The following WDR70 variants were observed in gnomAD, a reference collection of about 807,000 sequenced individuals.
WDR70 encodes WD repeat domain 70.
In WDR70, 53 loss-of-function variants were observed where a neutral mutation model predicts 88.6. That is an observed-to-expected ratio of 0.60 (90% CI 0.48 to 0.75). The LOEUF (loss-of-function observed/expected upper bound fraction) is 0.75. Among genes scored for constraint, WDR70 ranks in the 30% least tolerant of loss-of-function variants. The pLI is 0.00. For missense variants in WDR70, 610 were observed against 823.2 expected (o/e 0.74, Z 3.17); for synonymous variants, 280 against 270.0 (o/e 1.04, Z -0.36).
rs368218344 is a variant in WDR70, at chr5:37,391,960, C to G, written c.176-40C>G. On this transcript the variant is annotated intron_variant, in intron 3 of 17. Transcript: ENST00000265107. Reference sequence around the variant, plus strand: ...ATACTAACATATTTTGAATTGTAACCGTTGGGATTTTTTTGTTAATCTTTT... The same window carrying G: ...ATACTAACATATTTTGAATTGTAACGGTTGGGATTTTTTTGTTAATCTTTT... 3.0e-5 allele frequency: 47 copies of G among 1,575,610 alleles called. No homozygotes were observed. In the African/African-American group the frequency reaches 6.1e-4, roughly 20 times the overall value.
chr5:37,424,178 A>AC (rs1443356620), intron 5 of WDR70, among the ~76,000 whole-genome samples: 1 of 145,914 alleles, frequency 6.9e-6, no homozygotes, highest in Non-Finnish European at 1.5e-5. Context: ...AAAAACAAAG[A>AC]CAAAAAAAAA....
chr5:37,444,627 G>A (rs545708744), intron 7 of WDR70, among the ~76,000 whole-genome samples: 30 of 152,220 alleles, frequency 2.0e-4, no homozygotes, highest in East Asian at 3.9e-4. Context: ...ACAGGCATGA[G>A]CCACCGCGCC....
intron 5 of WDR70, among the ~76,000 whole-genome samples, chr5:37,418,990 C>T (rs1394648764): frequency 6.6e-6 from 1 of 152,116 alleles, no homozygotes; most frequent in Non-Finnish European, 1.5e-5. Context: ...TCTCCGACTT[C>T]TGGCCTCAAG....
chr5:37,733,548 C>T (rs1425789126), intron 17 of WDR70, among the ~76,000 whole-genome samples: 1 of 152,118 alleles, frequency 6.6e-6, no homozygotes, highest in Admixed American at 6.5e-5. Flanking sequence ...GAATTTTAAT[C>T]AATTTCTGGG....
chr5:37,741,806 T>C (rs1748490547), intron 17 of WDR70, among the ~76,000 whole-genome samples: 1 of 152,196 alleles, frequency 6.6e-6, no homozygotes, highest in Non-Finnish European at 1.5e-5. Context: ...ATTCTACTTT[T>C]TAACTCTATG....
intron 9 of WDR70, among the ~76,000 whole-genome samples, chr5:37,533,457 T>TCACCACCACCACCACCACCAC (rs35578229): frequency 7.1e-6 from 1 of 141,194 alleles, no homozygotes; most frequent in African/African-American, 2.7e-5. Flanking sequence ...AACAAAACAA[T>TCACCACCACCACCACCACCAC]CACCACCACC....
chr5:37,724,875 T>C, intron 15 of WDR70, 59 bp from the exon 16 acceptor site: 1 of 1,423,466 alleles, frequency 7.0e-7, no homozygotes, highest in Non-Finnish European at 9.9e-7. Flanking sequence ...GCTTTAACTA[T>C]GTTTTTGGAT....
At chr5:37,423,383 G>C (rs1750010036) in intron 5 of WDR70, among the ~76,000 whole-genome samples, 1 of 149,384 alleles carries the variant, frequency 6.7e-6, no homozygotes, top group African/African-American at 2.5e-5. Flanking sequence ...AAGAAGAAAA[G>C]GAAAAAACAA....
intron 8 of WDR70, chr5:37,506,454 G>A: frequency 1.3e-6 from 1 of 767,200 alleles, no homozygotes; most frequent in East Asian, 2.4e-5. Context: ...AATTAAGAAG[G>A]CTCCTCTATG....
At chr5:37,507,242 CT>C (rs1162419324) in intron 8 of WDR70, among the ~76,000 whole-genome samples, 1 of 151,784 alleles carries the variant, frequency 6.6e-6, no homozygotes, top group African/African-American at 2.4e-5. Flanking sequence ...TGGATACATT[CT>C]TTTTGTACAT....
intron 10 of WDR70, among the ~76,000 whole-genome samples, chr5:37,614,394 A>G (rs1386193973): frequency 1.3e-5 from 2 of 152,236 alleles, no homozygotes; most frequent in African/African-American, 4.8e-5. Flanking sequence ...TCAGCTGATT[A>G]GCAACATTAA....
At chr5:37,492,230 T>G (rs115274434) in intron 8 of WDR70, among the ~76,000 whole-genome samples, 35 of 152,368 alleles carry the variant, frequency 2.3e-4, no homozygotes, top group African/African-American at 8.4e-4. Context: ...TACATCTAAT[T>G]CTAATCCAAC....
At chr5:37,439,660 C>G (rs977841251) in intron 6 of WDR70, among the ~76,000 whole-genome samples, 3 of 119,766 alleles carry the variant, frequency 2.5e-5, no homozygotes, top group African/African-American at 9.3e-5. Flanking sequence ...TGCCTTTGTT[C>G]TACATGCAAA....
chr5:37,676,933 A>C (rs184181137), intron 10 of WDR70, among the ~76,000 whole-genome samples: 1 of 152,224 alleles, frequency 6.6e-6, no homozygotes, highest in Admixed American at 6.5e-5. Context: ...GTCTATTGAG[A>C]GATTCAGCTT....
chr5:37,693,706 C>T lies in WDR70; in HGVS notation c.1093-3949C>T, dbSNP rs569953035. Among the ~76,000 whole-genome samples, 47 of 152,242 alleles carry T rather than the reference C, an allele frequency of 3.1e-4. 2 individuals are homozygous for T. In the South Asian group the frequency reaches 9.3e-3, roughly 30 times the overall value. ...CTTACACCTTATACAAAAATTAATT[C>T]AAGATGGATTAAAGACTTAAATGTT... On this transcript the variant is annotated intron_variant, in intron 10 of 17. Transcript: ENST00000265107.
chr5:37,449,614 A>AAAATAAATAAAT (rs1554140452), intron 7 of WDR70, among the ~76,000 whole-genome samples: 1 of 120,708 alleles, frequency 8.3e-6, no homozygotes, highest in African/African-American at 2.9e-5. Context: ...TAAAAAATAA[A>AAAATAAATAAAT]AAATAAATAA....
intron 7 of WDR70, among the ~76,000 whole-genome samples, chr5:37,464,472 T>C (rs1225744212): frequency 1.3e-5 from 2 of 152,200 alleles, no homozygotes; most frequent in Admixed American, 6.5e-5. Context: ...GTACGAAGAA[T>C]TGCTAGCTAT....
At chr5:37,487,480 C>T (rs1739908819) in intron 8 of WDR70, among the ~76,000 whole-genome samples, 1 of 150,742 alleles carries the variant, frequency 6.6e-6, no homozygotes, top group African/African-American at 2.4e-5. Context: ...TCTAATCTAT[C>T]ATGATAAAAT....
Position 37,544,856 on chromosome 5 carries a change from A to G in WDR70, c.917+28266A>G, listed in dbSNP as rs900639030. 2.6e-5 allele frequency among the ~76,000 whole-genome samples: 4 copies of G among 152,194 alleles called. 1 individual carries two copies. The East Asian group carries it at 7.7e-4, about 29-fold the overall frequency. On this transcript the variant is annotated intron_variant, in intron 9 of 17. Transcript: ENST00000265107. The stretch of plus-strand genomic sequence containing the variant: ...GTTGGATCTCATAAGCTTTTGCTGG[A>G]AGGCTGCTAGGCAGATATCATTTGA...
Sources: allele counts gnomAD v4.1 joint callset (sites outside exome capture counted in the v4.1 genomes callset), GRCh38; gene constraint gnomAD v4.1.1; transcripts MANE v1.5; gene names NCBI Gene and HGNC (gene_info 2026-07-23, HGNC 2026-07-21).